Variants in SPECC1 observed in about 807,000 individuals in gnomAD.
SPECC1 encodes the protein sperm antigen with calponin homology and coiled-coil domains 1.
In SPECC1, 62 loss-of-function variants were observed where a neutral mutation model predicts 104.1. The ratio of observed to expected loss-of-function variants is 0.60; its 90% CI spans 0.49 to 0.74. The LOEUF is 0.74. SPECC1 is among the 30% of genes least tolerant of loss of function. The pLI, the probability that SPECC1 is intolerant of heterozygous loss-of-function variation, is 0.00. For missense variants in SPECC1, 1,306 were observed against 1,310.5 expected (o/e 1.00, Z 0.05); for synonymous variants, 513 against 501.6 (o/e 1.02, Z -0.30).
intron 12 of SPECC1, among the ~76,000 whole-genome samples, chr17:20,261,321 TG>T (rs1163150697): frequency 1.3e-5 from 2 of 151,800 alleles, no homozygotes; most frequent in Non-Finnish European, 2.9e-5. Context: ...GCTAACACAG[TG>T]AAACCCCATC....
chr17:20,077,002 G>T (rs2046786442), intron 1 of SPECC1, among the ~76,000 whole-genome samples: 1 of 152,152 alleles, frequency 6.6e-6, no homozygotes, highest in Admixed American at 6.6e-5. Context: ...CATTTTATGG[G>T]ATCGTAATGC....
At chr17:20,048,219 C>T (rs567806751) in intron 1 of SPECC1, among the ~76,000 whole-genome samples, 18 of 151,654 alleles carry the variant, frequency 1.2e-4, no homozygotes, top group African/African-American at 4.4e-4. Flanking sequence ...CTGCAAGCTC[C>T]GCTTCCTGGG....
rs770097772 is a variant in SPECC1, at chr17:20,205,558, A to G, written c.1509A>G (p.Gln503=). Residue 503 remains glutamine (Q), a synonymous_variant, in exon 4 of 15, where the codon CAA becomes CAG. Coordinates refer to ENST00000395527, the MANE Select transcript of SPECC1 (RefSeq NM_001243439.2). The part of the protein sequence containing the change: ...CSLRKVEEEN[Q]GALEMIKRLK... ...TGCGGAAGGTTGAGGAAGAAAACCA[A>G]GGAGCTTTAGAAATGATTAAACGTC... The G allele has an allele frequency of 6.2e-7, 1 of 1,614,070 alleles. No homozygotes were observed. Among genetic ancestry groups the G allele is most frequent in the South Asian group, 1.1e-5 (1 of 91,044 alleles).
chr17:20,306,174 C>A, intron 14 of SPECC1, 92 bp downstream of exon 14: 1 of 1,235,526 alleles, frequency 8.1e-7, no homozygotes, highest in Non-Finnish European at 1.2e-6. Context: ...AGAACATTGA[C>A]ATCTGTTTGC....
intron 3 of SPECC1, among the ~76,000 whole-genome samples, chr17:20,172,694 GA>G (rs1425380502): frequency 6.6e-6 from 1 of 152,190 alleles, no homozygotes; most frequent in African/African-American, 2.4e-5. Flanking sequence ...CCAGGGGGAA[GA>G]AACATGGAAG....
At chr17:20,190,244 C>G (rs2151278516) in intron 3 of SPECC1, among the ~76,000 whole-genome samples, 1 of 152,276 alleles carries the variant, frequency 6.6e-6, no homozygotes, top group South Asian at 2.1e-4. Flanking sequence ...TCAGTGCTGC[C>G]TATAAAGCTG....
chr17:20,107,796 G>C (rs191590918), intron 2 of SPECC1, among the ~76,000 whole-genome samples: 1 of 152,036 alleles, frequency 6.6e-6, no homozygotes, highest in African/African-American at 2.4e-5. Context: ...AAAGTGCTAG[G>C]ATTATAGGCA....
chr17:20,136,144 C>T (rs913495798), intron 3 of SPECC1, among the ~76,000 whole-genome samples: 4 of 152,064 alleles, frequency 2.6e-5, no homozygotes, highest in African/African-American at 4.8e-5. Flanking sequence ...GCACTGGGCG[C>T]GGTGGCTCAC....
chr17:20,146,562 A>G (rs578261786), intron 3 of SPECC1, among the ~76,000 whole-genome samples: 7 of 152,312 alleles, frequency 4.6e-5, no homozygotes, highest in African/African-American at 1.7e-4. Flanking sequence ...ATTTGGGTAG[A>G]TATCAAGAAG....
chr17:20,016,690 C>T (rs1041847931), intron 1 of SPECC1, among the ~76,000 whole-genome samples: 2 of 152,230 alleles, frequency 1.3e-5, no homozygotes, highest in African/African-American at 4.8e-5. Flanking sequence ...ACCTGCGGCC[C>T]GCCATGCCTG....
intron 10 of SPECC1, among the ~76,000 whole-genome samples, chr17:20,254,245 C>G (rs1407097932): frequency 6.6e-6 from 1 of 151,470 alleles, no homozygotes; most frequent in East Asian, 1.9e-4. Flanking sequence ...CCCAGCAGTC[C>G]CCATCCATCA....
intron 12 of SPECC1, among the ~76,000 whole-genome samples, chr17:20,275,348 C>G (rs1171368067): frequency 6.6e-6 from 1 of 151,998 alleles, no homozygotes; most frequent in African/African-American, 2.4e-5. Context: ...GAAGTTTTGT[C>G]TCAATAAGGC....
intron 1 of SPECC1, among the ~76,000 whole-genome samples, chr17:20,058,835 CTTTTTTTTTTTT>C (rs58811372): frequency 4.3e-4 from 45 of 103,572 alleles, no homozygotes; most frequent in Admixed American, 1.9e-3. Context: ...CACTTTATTT[CTTTTTTTTTTTT>C]TTTTTTTTTT....
At chr17:20,022,237 G>A (rs144465916) in intron 1 of SPECC1, among the ~76,000 whole-genome samples, 5 of 152,220 alleles carry the variant, frequency 3.3e-5, no homozygotes, top group Non-Finnish European at 7.4e-5. Flanking sequence ...CACTGTGCCC[G>A]GCAGCAGTTT....
At chr17:20,107,602 A>G (rs1392853049) in intron 2 of SPECC1, among the ~76,000 whole-genome samples, 1 of 151,768 alleles carries the variant, frequency 6.6e-6, no homozygotes, top group African/African-American at 2.4e-5. Flanking sequence ...GATTACAGGC[A>G]TGTGTCACCA....
intron 2 of SPECC1, among the ~76,000 whole-genome samples, chr17:20,100,092 T>C (rs2047871989): frequency 6.6e-6 from 1 of 152,232 alleles, no homozygotes; most frequent in Non-Finnish European, 1.5e-5. Flanking sequence ...TGTTGTATTG[T>C]TAATTTTTAA....
intron 12 of SPECC1, among the ~76,000 whole-genome samples, chr17:20,284,043 T>C (rs181449094): frequency 1.9e-3 from 296 of 152,366 alleles, no homozygotes; most frequent in African/African-American, 6.9e-3. Flanking sequence ...TGGCTTTCTT[T>C]CCCCAGGATT....
At chr17:20,032,516 A>C (rs1480298051) in intron 1 of SPECC1, among the ~76,000 whole-genome samples, 2 of 151,788 alleles carry the variant, frequency 1.3e-5, no homozygotes, top group East Asian at 1.9e-4. Context: ...TGTCTCACTA[A>C]ATTTTTCTTC....
At chr17:20,174,833 G>A (rs779733673) in intron 3 of SPECC1, among the ~76,000 whole-genome samples, 1 of 151,870 alleles carries the variant, frequency 6.6e-6, no homozygotes, top group Admixed American at 6.6e-5. Context: ...ATTTTCTTCC[G>A]CTCCTTGCCG....
Sources: gnomAD v4.1 joint callset for allele counts (sites outside exome capture counted in the v4.1 genomes callset) on GRCh38, gnomAD v4.1.1 for gene constraint, MANE v1.5 for transcripts, NCBI Gene and HGNC (gene_info 2026-07-23, HGNC 2026-07-21) for gene names.